DPP6: variants seen among roughly 807,000 people sequenced by gnomAD.
DPP6 encodes the protein dipeptidyl peptidase like 6, also known as A-type potassium channel modulatory protein DPP6.
A neutral mutation model predicts 122.6 loss-of-function variants in DPP6; 69 were observed. The ratio of observed to expected loss-of-function variants is 0.56; its 90% CI spans 0.46 to 0.69. The LOEUF (loss-of-function observed/expected upper bound fraction) is 0.69, where lower values mean the gene tolerates loss of function less well. Ranked by LOEUF, DPP6 falls within the 30% of genes least tolerant of loss-of-function variation. The pLI is 0.00. For synonymous variants in DPP6, 418 were observed against 433.1 expected (o/e 0.97, Z 0.43); for missense variants, 928 against 1,116.9 (o/e 0.83, Z 2.41).
At position 154,742,630 on chromosome 7, in the gene DPP6, C is replaced by T. The variant is rs147126306; in HGVS notation, c.883+14743C>T. On this transcript the variant is annotated intron_variant, in intron 8 of 25. Coordinates refer to ENST00000377770, the MANE Select transcript of DPP6 (RefSeq NM_130797.4). ...TGAGCATTTCCTGATATGGAGGAGA[C>T]GCAAAATAGCTCAGGGAAAAAGTTG... Among the ~76,000 whole-genome samples the T allele has an allele frequency of 7.4e-4, 113 of 152,290 alleles. No homozygotes were observed. The Middle Eastern group carries it at 0.02, about 28-fold the overall frequency.
intron 10 of DPP6, among the ~76,000 whole-genome samples, chr7:154,789,335 G>A (rs1797533437): frequency 6.6e-6 from 1 of 152,120 alleles, no homozygotes; most frequent in Non-Finnish European, 1.5e-5. Context: ...ATTTAGCAAA[G>A]GTTTGACTTT....
At chr7:154,314,967 T>C (rs1563463435) in intron 1 of DPP6, among the ~76,000 whole-genome samples, 1 of 152,206 alleles carries the variant, frequency 6.6e-6, no homozygotes, top group Non-Finnish European at 1.5e-5. Context: ...TCTTCACATC[T>C]CATGGACAAA....
intron 1 of DPP6, among the ~76,000 whole-genome samples, chr7:154,368,613 A>G (rs1812379072): frequency 6.6e-6 from 1 of 152,234 alleles, no homozygotes; most frequent in South Asian, 2.1e-4. Flanking sequence ...TTCTGGTTTT[A>G]GTAGTTGTAT....
chr7:154,010,906 A>G (rs1396682417), intron 1 of DPP6, among the ~76,000 whole-genome samples: 3 of 152,184 alleles, frequency 2.0e-5, no homozygotes, highest in African/African-American at 7.2e-5. Context: ...TGGCATTTCA[A>G]ATACTGGTTC....
intron 3 of DPP6, among the ~76,000 whole-genome samples, chr7:154,493,460 A>C (rs959382568): frequency 4.0e-5 from 6 of 151,500 alleles, no homozygotes; most frequent in African/African-American, 1.4e-4. Context: ...CAAAGAATTG[A>C]GGATTGGTGG....
chr7:154,204,805 G>C (rs989923074), intron 1 of DPP6, among the ~76,000 whole-genome samples: 2 of 128,568 alleles, frequency 1.6e-5, no homozygotes, highest in African/African-American at 5.7e-5. Flanking sequence ...GTGTCTGTAC[G>C]TGTGTGAGTA....
At chr7:153,871,488 A>G in the DPP6 span, among the ~76,000 whole-genome samples, 1 of 152,190 alleles carries the variant, frequency 6.6e-6, no homozygotes, top group Non-Finnish European at 1.5e-5. Context: ...TGGTTTGTTA[A>G]GCCCGTTTGG....
At chr7:153,824,034 G>A in the DPP6 span, among the ~76,000 whole-genome samples, 3 of 152,098 alleles carry the variant, frequency 2.0e-5, no homozygotes, top group Non-Finnish European at 2.9e-5. Context: ...ACAGCTTTCC[G>A]TACCATTGGC....
At chr7:153,780,700 A>C in the DPP6 span, among the ~76,000 whole-genome samples, 1 of 152,092 alleles carries the variant, frequency 6.6e-6, no homozygotes, top group South Asian at 2.1e-4. Flanking sequence ...AATGAGGAGT[A>C]ATTTCACTGT....
chr7:154,785,921 T>G (rs983514693), intron 10 of DPP6, among the ~76,000 whole-genome samples: 2 of 152,220 alleles, frequency 1.3e-5, no homozygotes, highest in African/African-American at 4.8e-5. Flanking sequence ...CTCTCTCCTT[T>G]TTTCAAATCC....
upstream of DPP6, among the ~76,000 whole-genome samples, chr7:153,886,446 C>A (rs549274293): frequency 2.6e-5 from 4 of 152,112 alleles, no homozygotes; most frequent in African/African-American, 9.7e-5. Flanking sequence ...TAGGGAGAGC[C>A]GTGGGCGCCA....
chr7:154,841,985 G>T (rs568539139), intron 16 of DPP6, among the ~76,000 whole-genome samples: 2 of 152,104 alleles, frequency 1.3e-5, no homozygotes, highest in African/African-American at 4.8e-5. Context: ...TGCTGTCCTC[G>T]GAACAAATAT....
At chr7:154,656,492 G>A (rs1322588865) in intron 6 of DPP6, among the ~76,000 whole-genome samples, 1 of 152,100 alleles carries the variant, frequency 6.6e-6, no homozygotes, top group East Asian at 1.9e-4. Context: ...GACCACCCAG[G>A]CCCAGCACGG....
At chr7:154,629,847 C>T (rs1486965223) in intron 5 of DPP6, among the ~76,000 whole-genome samples, 1 of 152,160 alleles carries the variant, frequency 6.6e-6, no homozygotes, top group African/African-American at 2.4e-5. Flanking sequence ...GTCCAAAATC[C>T]TGGGTAACAA....
chr7:154,021,799 G>A (rs550602819), intron 1 of DPP6, among the ~76,000 whole-genome samples: 1 of 152,284 alleles, frequency 6.6e-6, no homozygotes, highest in South Asian at 2.1e-4. Flanking sequence ...TGGACTCTAA[G>A]CCTCCCTGTT....
At chr7:154,221,005 T>C (rs1250412857) in intron 1 of DPP6, among the ~76,000 whole-genome samples, 1 of 152,148 alleles carries the variant, frequency 6.6e-6, no homozygotes, top group Admixed American at 6.5e-5. Context: ...AGGTCTTGAT[T>C]GAAACTCAAG....
At chr7:153,751,861 GT>G in the DPP6 span, among the ~76,000 whole-genome samples, 1 of 151,160 alleles carries the variant, frequency 6.6e-6, no homozygotes, top group Non-Finnish European at 1.5e-5. Context: ...TTTGGATTGA[GT>G]TTCTTTGCTT....
At chr7:154,420,194 G>T (rs2110522) in intron 1 of DPP6, among the ~76,000 whole-genome samples, 83,208 of 151,914 alleles carry the variant, frequency 0.55, 26,254 homozygotes, top group Non-Finnish European at 0.69. Context: ...AAAATTAGCT[G>T]GGCGTGGTGG....
intron 1 of DPP6, among the ~76,000 whole-genome samples, chr7:153,924,416 G>T (rs1259662566): frequency 6.6e-6 from 1 of 152,130 alleles, no homozygotes; most frequent in Non-Finnish European, 1.5e-5. Context: ...CCTCATTGAG[G>T]GTTTTGAGGA....
Sources: allele counts gnomAD v4.1 joint callset (sites outside exome capture counted in the v4.1 genomes callset), GRCh38; gene constraint gnomAD v4.1.1; transcripts MANE v1.5; gene names NCBI Gene and HGNC (gene_info 2026-07-23, HGNC 2026-07-21).